PLGRKT: variants seen among roughly 807,000 people sequenced by gnomAD.
The protein encoded by PLGRKT is plasminogen receptor with a C-terminal lysine.
PLGRKT carries 22 observed loss-of-function variants against 18.5 expected under a neutral mutation model. The observed-to-expected ratio is 1.19, with a 90% CI of 0.85 to 1.70. The LOEUF is 1.70. Ranked by LOEUF, PLGRKT falls within the 40% of genes most tolerant of loss-of-function variation. The pLI, the probability that PLGRKT is intolerant of heterozygous loss-of-function variation, is 0.00. For missense variants in PLGRKT, 235 were observed against 174.4 expected (o/e 1.35, Z -1.96); for synonymous variants, 72 against 52.8 (o/e 1.36, Z -1.58).
At chr9:5,424,668 T>TTATATATATATA (rs375682412) in intron 3 of PLGRKT, among the ~76,000 whole-genome samples, 34 of 113,158 alleles carry the variant, frequency 3.0e-4, no homozygotes, top group African/African-American at 1.4e-3. Context: ...ATTATATATT[T>TTATATATATATA]TATATATATA....
intron 3 of PLGRKT, among the ~76,000 whole-genome samples, chr9:5,430,630 G>C (rs1818804519): frequency 6.6e-6 from 1 of 152,138 alleles, no homozygotes. Context: ...TACAGATCAG[G>C]AGACTGAGGC....
rs114806580 is a variant in PLGRKT at position 5,393,744 on chromosome 9, C to T, written c.82-31856G>A. ...AGCTGGGAATAAGGACGAGCTACCT[C>T]AAAGAATTAAGTAATTTCTTTCTAA... On this transcript the variant is annotated intron_variant, in intron 3 of 5. Coordinates refer to ENST00000223864, the MANE Select transcript of PLGRKT (RefSeq NM_018465.4). Among the ~76,000 whole-genome samples the T allele has an allele frequency of 4.2e-3, 637 of 151,914 alleles. 14 individuals carry two copies. Among genetic ancestry groups the T allele is most frequent in the African/African-American group, 0.015 (618 of 41,258 alleles).
intron 3 of PLGRKT, among the ~76,000 whole-genome samples, chr9:5,426,690 G>A (rs1818708426): frequency 6.6e-6 from 1 of 152,218 alleles, no homozygotes; most frequent in Non-Finnish European, 1.5e-5. Context: ...TGCTGGGTAG[G>A]ATGAGGTCAC....
At chr9:5,401,802 C>T (rs995048266) in intron 3 of PLGRKT, among the ~76,000 whole-genome samples, 3 of 151,754 alleles carry the variant, frequency 2.0e-5, no homozygotes, top group Admixed American at 2.0e-4. Flanking sequence ...AAGGTGACAT[C>T]AATTTTTTTA....
At chr9:5,367,028 C>CAT in intron 3 of PLGRKT, among the ~76,000 whole-genome samples, 1 of 77,654 alleles carries the variant, frequency 1.3e-5, no homozygotes, top group East Asian at 3.4e-4. Flanking sequence ...GATACACACA[C>CAT]ATACACACAC....
chr9:5,403,169 G>C (rs1461419891), intron 3 of PLGRKT, among the ~76,000 whole-genome samples: 1 of 151,652 alleles, frequency 6.6e-6, no homozygotes, highest in African/African-American at 2.4e-5. Context: ...ACCAATACTA[G>C]GTGCTTTGTT....
intron 3 of PLGRKT, among the ~76,000 whole-genome samples, chr9:5,417,807 A>G (rs557202706): frequency 2.0e-5 from 3 of 152,204 alleles, no homozygotes; most frequent in South Asian, 4.1e-4. Flanking sequence ...TATTTTCTCA[A>G]AAAAAAACGA....
chr9:5,432,254 C>T (rs1818841997), intron 2 of PLGRKT, among the ~76,000 whole-genome samples: 1 of 152,130 alleles, frequency 6.6e-6, no homozygotes, highest in Admixed American at 6.5e-5. Context: ...AAGTATATGG[C>T]TGTTTCCTGA....
intron 3 of PLGRKT, among the ~76,000 whole-genome samples, chr9:5,363,861 C>A (rs1817322788): frequency 6.6e-6 from 1 of 152,102 alleles, no homozygotes; most frequent in African/African-American, 2.4e-5. Context: ...ATTAAATTTG[C>A]TGTCACCAAG....
At chr9:5,433,627 G>T (rs1291421116) in intron 2 of PLGRKT, among the ~76,000 whole-genome samples, 1 of 148,128 alleles carries the variant, frequency 6.8e-6, no homozygotes, top group Non-Finnish European at 1.5e-5. Flanking sequence ...TCTGGGATGT[G>T]AGGAGCGCCT....
intron 5 of PLGRKT, among the ~76,000 whole-genome samples, 163 bp downstream of exon 5, chr9:5,360,915 G>C (rs1294466736): frequency 6.6e-6 from 1 of 152,182 alleles, no homozygotes; most frequent in African/African-American, 2.4e-5. Flanking sequence ...GTATGAGCTG[G>C]CTCTAGGACA....
chr9:5,434,743 C>G (rs1007418775), intron 2 of PLGRKT, among the ~76,000 whole-genome samples: 2 of 151,506 alleles, frequency 1.3e-5, no homozygotes, highest in Non-Finnish European at 2.9e-5. Context: ...GCGCCTCTGC[C>G]CGGCCGCCCT....
intron 3 of PLGRKT, among the ~76,000 whole-genome samples, chr9:5,366,743 T>C (rs529775664): frequency 2.6e-5 from 4 of 152,246 alleles, no homozygotes; most frequent in Non-Finnish European, 5.9e-5. Flanking sequence ...CTGGAAGTCC[T>C]AGCCAGAGCA....
At chr9:5,378,171 TGAGGGAA>T (rs1410378290) in intron 3 of PLGRKT, among the ~76,000 whole-genome samples, 10 of 152,128 alleles carry the variant, frequency 6.6e-5, no homozygotes, top group African/African-American at 2.2e-4. Flanking sequence ...ACCAGACATT[TGAGGGAA>T]ACCAACAGCG....
chr9:5,411,283 G>A (rs1818359202), intron 3 of PLGRKT, among the ~76,000 whole-genome samples: 1 of 151,730 alleles, frequency 6.6e-6, no homozygotes, highest in Non-Finnish European at 1.5e-5. Flanking sequence ...TACTCAGGAG[G>A]CTGAGGCAGG....
intron 3 of PLGRKT, among the ~76,000 whole-genome samples, chr9:5,385,538 A>G (rs1817826044): frequency 6.6e-6 from 1 of 151,566 alleles, no homozygotes; most frequent in African/African-American, 2.4e-5. Context: ...TTCTGTTTTG[A>G]TCCCCTGACC....
chr9:5,373,360 C>T (rs901176978), intron 3 of PLGRKT, among the ~76,000 whole-genome samples: 1 of 152,168 alleles, frequency 6.6e-6, no homozygotes, highest in East Asian at 1.9e-4. Flanking sequence ...TGGGAGAAAC[C>T]ATGACGTCCA....
chr9:5,412,127 A>G (rs1173210878), intron 3 of PLGRKT, among the ~76,000 whole-genome samples: 1 of 152,084 alleles, frequency 6.6e-6, no homozygotes, highest in Non-Finnish European at 1.5e-5. Context: ...AGTGAATTAG[A>G]GTGTCCAGAA....
intron 3 of PLGRKT, among the ~76,000 whole-genome samples, chr9:5,383,699 C>T (rs1817787938): frequency 1.3e-5 from 2 of 152,234 alleles, no homozygotes; most frequent in South Asian, 2.1e-4. Flanking sequence ...CTCACATGCA[C>T]GGTTCACAAC....
Sources: gnomAD v4.1 joint callset for allele counts (sites outside exome capture counted in the v4.1 genomes callset) on GRCh38, gnomAD v4.1.1 for gene constraint, MANE v1.5 for transcripts, NCBI Gene and HGNC (gene_info 2026-07-23, HGNC 2026-07-21) for gene names.